Variants in STAG2 observed in about 807,000 individuals in gnomAD.
The protein encoded by STAG2 is STAG2 cohesin complex component.
A neutral mutation model predicts 108.1 loss-of-function variants in STAG2; 14 were observed. The observed-to-expected ratio is 0.13, with a 90% CI of 0.09 to 0.20. The LOEUF is 0.20. STAG2 is among the 10% of genes least tolerant of loss of function. The pLI is 1.00. For synonymous variants in STAG2, 307 were observed against 302.7 expected (o/e 1.01, Z -0.15); for missense variants, 440 against 940.9 (o/e 0.47, Z 6.96).
chrX:124,021,446 A>T lies in STAG2; in HGVS notation c.-98+15A>T, dbSNP rs1257504240. On this transcript the variant is annotated intron_variant, in intron 2 of 34. Coordinates refer to ENST00000371145, the MANE Select transcript of STAG2 (RefSeq NM_001042750.2). ...ATAAGAGAAAGGTACACATAAGACT[A>T]AGAGCTTTAGACTTTAGCTTCAGCC... 8.9e-6 allele frequency: 1 copy of T among 112,113 alleles called. No individual in the cohort carries two copies. Among genetic ancestry groups the T allele is most frequent in the African/African-American group, 3.2e-5 (1 of 30,854 alleles). 9.2% of individuals were successfully genotyped at this position (112,113 alleles called of 1,213,427 possible). A position where few individuals can be genotyped will look rare whatever the true frequency, so the allele number is the denominator to read the frequency against.
chrX:123,965,997 C>CA (rs1164284416), intron 1 of STAG2, among the ~76,000 whole-genome samples: 5 of 105,779 alleles, frequency 4.7e-5, no homozygotes, highest in Admixed American at 1.0e-4. Context: ...GACCCTGTCT[C>CA]AAAAAAAAAT....
At chrX:123,998,324 G>A (rs374376122) in intron 1 of STAG2, among the ~76,000 whole-genome samples, 1 of 105,100 alleles carries the variant, frequency 9.5e-6, no homozygotes, top group East Asian at 3.0e-4. Flanking sequence ...TCGCCACCAT[G>A]CCCAACTAAT....
At chrX:124,062,710 G>T (rs1039918730) in intron 17 of STAG2, among the ~76,000 whole-genome samples, 192 bp from the exon 18 acceptor site, 1 of 111,230 alleles carries the variant, frequency 9.0e-6, no homozygotes, top group Admixed American at 9.6e-5. Flanking sequence ...GTTATTTCAG[G>T]TGGCTTTTTG....
chrX:124,008,362 C>T (rs749566025), intron 1 of STAG2, among the ~76,000 whole-genome samples: 7 of 108,977 alleles, frequency 6.4e-5, no homozygotes, highest in African/African-American at 1.0e-4. Context: ...TACAGGCATG[C>T]GCCACCACGC....
In STAG2 at chrX:124,025,960, TCACA is replaced by T. The variant is rs768423067; in HGVS notation, c.123+51_123+54del. On this transcript the variant is annotated intron_variant, in intron 4 of 34. Coordinates refer to ENST00000371145, the MANE Select transcript of STAG2 (RefSeq NM_001042750.2). ...TGACTTTATTTTGTTTCCTAAGATCTCACACACACACAGATTTAAGTTATGTCTC... is the reference window on the plus strand; with the variant it reads ...TGACTTTATTTTGTTTCCTAAGATCTCACACACAGATTTAAGTTATGTCTC... 134 of 939,055 alleles carry T rather than the reference TCACA, an allele frequency of 1.4e-4. No homozygotes were observed. The African/African-American group carries it at 2.2e-3, about 16-fold the overall frequency. 77.4% of individuals were successfully genotyped at this position (939,055 alleles called of 1,213,427 possible).
intron 1 of STAG2, among the ~76,000 whole-genome samples, chrX:124,002,060 C>T (rs2056068979): frequency 9.0e-6 from 1 of 111,231 alleles, no homozygotes; most frequent in South Asian, 3.8e-4. Context: ...CCTGTCTCTA[C>T]AAAATAAACA....
chrX:124,022,402 C>A, intron 2 of STAG2, 129 bp from the exon 3 acceptor site: 1 of 303,722 alleles, frequency 3.3e-6, no homozygotes, highest in Non-Finnish European at 5.8e-6. Context: ...CAGTCAAATG[C>A]AAGGGAATGA....
chrX:123,962,588 T>C (rs2053918866), intron 1 of STAG2, among the ~76,000 whole-genome samples: 1 of 111,609 alleles, frequency 9.0e-6, no homozygotes, highest in Admixed American at 9.5e-5. Flanking sequence ...TTTTATGTTG[T>C]TGCCTACCAC....
intron 25 of STAG2, 23 bp downstream of exon 25, chrX:124,071,346 A>G (rs774061825): frequency 9.0e-7 from 1 of 1,113,463 alleles, no homozygotes; most frequent in Non-Finnish European, 1.2e-6. Context: ...CCATCTTTTT[A>G]TTAAATCTGT....
At chrX:124,043,417 C>T (rs917394760) in intron 7 of STAG2, among the ~76,000 whole-genome samples, 1 of 111,164 alleles carries the variant, frequency 9.0e-6, no homozygotes, top group African/African-American at 3.3e-5. Context: ...TCCCAAAGTG[C>T]GGGGATTACA....
intron 1 of STAG2, among the ~76,000 whole-genome samples, chrX:123,997,511 T>A (rs983085062): frequency 1.8e-5 from 2 of 112,321 alleles, no homozygotes; most frequent in Admixed American, 1.9e-4. Flanking sequence ...TTCTACTTTG[T>A]CTCTTTGAAT....
At chrX:124,004,509 A>G (rs1602775473) in intron 1 of STAG2, among the ~76,000 whole-genome samples, 1 of 111,799 alleles carries the variant, frequency 8.9e-6, no homozygotes, top group South Asian at 3.7e-4. Context: ...AGGTTCATCC[A>G]TGTTGTAGCT....
intron 6 of STAG2, 54 bp downstream of exon 6, chrX:124,037,677 C>A: frequency 1.3e-6 from 1 of 771,483 alleles, no homozygotes; most frequent in Non-Finnish European, 1.9e-6. Flanking sequence ...CTTCGTTGTT[C>A]CACCTAAAGA....
chrX:124,037,745 A>G (rs1208651162), intron 6 of STAG2, 122 bp downstream of exon 6: 3 of 272,651 alleles, frequency 1.1e-5, no homozygotes, highest in Non-Finnish European at 1.9e-5. Flanking sequence ...CATCATATCC[A>G]TATAAAATTT....
At chrX:124,000,925 AT>A (rs902855260) in intron 1 of STAG2, among the ~76,000 whole-genome samples, 1 of 111,087 alleles carries the variant, frequency 9.0e-6, no homozygotes, top group African/African-American at 3.3e-5. Flanking sequence ...ACAAATAAAA[AT>A]TTTAAAAATA....
chrX:123,980,825 A>G (rs902237224), intron 1 of STAG2, among the ~76,000 whole-genome samples: 3 of 112,489 alleles, frequency 2.7e-5, no homozygotes, highest in African/African-American at 9.7e-5. Context: ...CAATACTGCA[A>G]TTTGATGTCC....
chrX:124,008,967 A>C (rs1273207583), intron 1 of STAG2, among the ~76,000 whole-genome samples: 1 of 111,548 alleles, frequency 9.0e-6, no homozygotes, highest in Non-Finnish European at 1.9e-5. Flanking sequence ...TTGTTACAAC[A>C]AACTGTGTCA....
At chrX:124,017,031 G>C (rs1182631254) in intron 1 of STAG2, among the ~76,000 whole-genome samples, 2 of 110,680 alleles carry the variant, frequency 1.8e-5, no homozygotes, top group African/African-American at 6.6e-5. Flanking sequence ...GCTTTTAGCA[G>C]TTGAATATTT....
At chrX:124,096,940 A>C (rs920178836) in intron 34 of STAG2, among the ~76,000 whole-genome samples, 1 of 112,441 alleles carries the variant, frequency 8.9e-6, no homozygotes, top group African/African-American at 3.2e-5. Context: ...ATACTTTGGA[A>C]GGCCAAGGTG....
Sources: allele counts gnomAD v4.1 joint callset (sites outside exome capture counted in the v4.1 genomes callset), GRCh38; gene constraint gnomAD v4.1.1; transcripts MANE v1.5; gene names NCBI Gene and HGNC (gene_info 2026-07-23, HGNC 2026-07-21).